COL24A1: variants seen among roughly 807,000 people sequenced by gnomAD.
The protein encoded by COL24A1 is collagen alpha-1(XXIV) chain.
In COL24A1, 224 loss-of-function variants were observed where a neutral mutation model predicts 253.9. The observed-to-expected ratio is 0.88, with a 90% CI of 0.79 to 0.99. The LOEUF is 0.99. COL24A1 is among the 50% of genes least tolerant of loss of function. The pLI is 0.00. For missense variants in COL24A1, 2,131 were observed against 2,068.5 expected (o/e 1.03, Z -0.59); for synonymous variants, 685 against 673.7 (o/e 1.02, Z -0.26).
At chr1:85,892,925 G>T (rs181465313) in intron 31 of COL24A1, among the ~76,000 whole-genome samples, 2 of 152,154 alleles carry the variant, frequency 1.3e-5, no homozygotes, top group African/African-American at 4.8e-5. Flanking sequence ...AATGCCAACA[G>T]AAGACATTGA....
At chr1:86,151,006 A>G (rs950430679) in intron 1 of COL24A1, among the ~76,000 whole-genome samples, 6 of 152,116 alleles carry the variant, frequency 3.9e-5, no homozygotes, top group Non-Finnish European at 8.8e-5. Context: ...TTAAAAGACA[A>G]AAAGCAAATT....
intron 31 of COL24A1, among the ~76,000 whole-genome samples, chr1:85,895,567 T>C (rs1683589434): frequency 6.6e-6 from 1 of 152,126 alleles, no homozygotes. Flanking sequence ...AGGCCCAGAA[T>C]GGGTAAGCAA....
intron 7 of COL24A1, among the ~76,000 whole-genome samples, chr1:86,074,259 T>A (rs909592294): frequency 2.0e-5 from 3 of 150,910 alleles, no homozygotes; most frequent in Admixed American, 2.0e-4. Flanking sequence ...AATAAAGGGA[T>A]AGAGGAATAT....
At position 85,911,403 on chromosome 1, in the gene COL24A1, T is replaced by C; in HGVS notation, c.2593A>G (p.Met865Val). 2 of 1,612,348 alleles carry C rather than the reference T, an allele frequency of 1.2e-6. No individual in the cohort carries two copies. Among genetic ancestry groups the C allele is most frequent in the African/African-American group, 1.3e-5 (1 of 74,898 alleles). The stretch of plus-strand genomic sequence containing the variant: ...ACCTTTTCGCCAATGCTTCCAGTCA[T>C]CCCAACTTCTCCAGGTAAGCCAACA... ...GPVGLPGEVGMTGSIGEKGER... is the reference protein window; with the variant it reads ...GPVGLPGEVGVTGSIGEKGER... Residue 865 changes from methionine (M) to valine (V), a missense_variant, in exon 25 of 60, where the codon ATG becomes GTG. Coordinates refer to ENST00000370571, the MANE Select transcript of COL24A1 (RefSeq NM_152890.7).
intron 12 of COL24A1, among the ~76,000 whole-genome samples, chr1:86,036,302 C>A (rs542296013): frequency 5.3e-5 from 8 of 151,996 alleles, no homozygotes; most frequent in African/African-American, 1.7e-4. Context: ...TGTATTGTTT[C>A]TCTTCTCACT....
intron 14 of COL24A1, among the ~76,000 whole-genome samples, chr1:86,029,396 A>G (rs1698346401): frequency 6.6e-6 from 1 of 152,172 alleles, no homozygotes; most frequent in African/African-American, 2.4e-5. Context: ...TAGTAAACAA[A>G]TGTGAGGTGC....
intron 55 of COL24A1, among the ~76,000 whole-genome samples, chr1:85,747,752 T>C (rs1168694538): frequency 6.6e-6 from 1 of 152,194 alleles, no homozygotes; most frequent in East Asian, 1.9e-4. Flanking sequence ...ATTTTCTTCT[T>C]TCATATTATA....
intron 37 of COL24A1, among the ~76,000 whole-genome samples, chr1:85,852,988 G>C (rs1423816363): frequency 6.6e-6 from 1 of 152,038 alleles, no homozygotes; most frequent in African/African-American, 2.4e-5. Flanking sequence ...TTTATTTTAG[G>C]TTCAAGGGGT....
At chr1:85,817,920 A>G (rs1485961174) in intron 46 of COL24A1, 114 bp downstream of exon 46, 9 of 872,766 alleles carry the variant, frequency 1.0e-5, no homozygotes, top group Middle Eastern at 2.2e-4. Context: ...TTTTTTTAAA[A>G]GACAATCTGA....
At chr1:85,737,680 C>T (rs1484571449) in intron 57 of COL24A1, among the ~76,000 whole-genome samples, 175 bp from the exon 58 acceptor site, 2 of 152,060 alleles carry the variant, frequency 1.3e-5, no homozygotes, top group Non-Finnish European at 2.9e-5. Flanking sequence ...TCTCATGCCT[C>T]AACCTCCTGA....
intron 12 of COL24A1, among the ~76,000 whole-genome samples, chr1:86,045,277 A>G (rs1428484307): frequency 1.3e-5 from 2 of 152,184 alleles, no homozygotes; most frequent in African/African-American, 4.8e-5. Context: ...GGTGTGAGCC[A>G]CCGCGCCCAG....
chr1:85,733,821 C>T (rs1663762888), intron 59 of COL24A1, among the ~76,000 whole-genome samples: 2 of 151,304 alleles, frequency 1.3e-5, no homozygotes, highest in African/African-American at 2.4e-5. Context: ...CTCAAGTGAA[C>T]CACCCGCCTC....
intron 43 of COL24A1, among the ~76,000 whole-genome samples, chr1:85,830,525 C>G (rs1175899456): frequency 1.3e-5 from 2 of 152,172 alleles, no homozygotes; most frequent in African/African-American, 4.8e-5. Context: ...CCCAGCCTGG[C>G]TGCCGCCTTG....
chr1:86,100,715 C>T (rs918932478), intron 5 of COL24A1, among the ~76,000 whole-genome samples: 1 of 151,976 alleles, frequency 6.6e-6, no homozygotes, highest in Admixed American at 6.6e-5. Context: ...TTTCCCCTAC[C>T]CCCTCTGCCA....
intron 19 of COL24A1, among the ~76,000 whole-genome samples, chr1:86,010,223 T>TA (rs1435240226): frequency 2.0e-5 from 3 of 152,030 alleles, no homozygotes; most frequent in Admixed American, 6.6e-5. Context: ...TTTGGCTATG[T>TA]AAAATTGTAA....
At chr1:85,842,222 A>C (rs1676690985) in intron 40 of COL24A1, 101 bp from the exon 41 acceptor site, 7 of 1,353,568 alleles carry the variant, frequency 5.2e-6, no homozygotes, top group Non-Finnish European at 7.3e-6. Flanking sequence ...GGAGGATGAG[A>C]CCTAAATATG....
chr1:86,081,568 CAT>C (rs1479970177), intron 7 of COL24A1, among the ~76,000 whole-genome samples: 1 of 152,096 alleles, frequency 6.6e-6, no homozygotes, highest in Non-Finnish European at 1.5e-5. Flanking sequence ...TAAAATATCA[CAT>C]AGGTTTATCA....
intron 24 of COL24A1, among the ~76,000 whole-genome samples, chr1:85,953,398 A>C (rs1487386402): frequency 3.9e-5 from 6 of 152,214 alleles, no homozygotes; most frequent in Admixed American, 3.3e-4. Context: ...TGTCCTTATG[A>C]TAGCTGCCAA....
intron 7 of COL24A1, among the ~76,000 whole-genome samples, chr1:86,079,498 T>A (rs1016296443): frequency 1.3e-5 from 2 of 152,058 alleles, no homozygotes; most frequent in African/African-American, 4.8e-5. Flanking sequence ...AAGGAAACAA[T>A]CAATAAAGTG....
Sources: gnomAD v4.1 joint callset for allele counts (sites outside exome capture counted in the v4.1 genomes callset) on GRCh38, gnomAD v4.1.1 for gene constraint, MANE v1.5 for transcripts, NCBI Gene and HGNC (gene_info 2026-07-23, HGNC 2026-07-21) for gene names.